DPP6: variants seen among roughly 807,000 people sequenced by gnomAD.
DPP6 encodes A-type potassium channel modulatory protein DPP6.
A neutral mutation model predicts 122.6 loss-of-function variants in DPP6; 69 were observed. The ratio of observed to expected loss-of-function variants is 0.56; its 90% CI spans 0.46 to 0.69. The LOEUF is 0.69. Among genes scored for constraint, DPP6 ranks in the 30% least tolerant of loss-of-function variants. The pLI, the probability that DPP6 is intolerant of heterozygous loss-of-function variation, is 0.00. For synonymous variants in DPP6, 418 were observed against 433.1 expected (o/e 0.97, Z 0.43); for missense variants, 928 against 1,116.9 (o/e 0.83, Z 2.41).
rs571550668 is a variant in DPP6, at chr7:154,186,095, C to T, written c.243+133032C>T. The stretch of plus-strand genomic sequence containing the variant: ...AAGTTGCTTAGTGCCCTGTATTACC[C>T]ATCAGTGAAGTGAGTGGTTCCTCCC... On this transcript the variant is annotated intron_variant, in intron 1 of 25. Coordinates refer to ENST00000377770, the MANE Select transcript of DPP6 (RefSeq NM_130797.4). 3.3e-5 allele frequency among the ~76,000 whole-genome samples: 5 copies of T among 152,342 alleles called. No individual in the cohort carries two copies. The South Asian group carries it at 8.3e-4, about 25-fold the overall frequency.
rs539283717 is a variant in DPP6 at position 154,123,668 on chromosome 7, G to A, written c.243+70605G>A. Among the ~76,000 whole-genome samples, 65 of 152,136 alleles carry A rather than the reference G, an allele frequency of 4.3e-4. No homozygotes were observed. The East Asian group carries it at 4.5e-3, about 10-fold the overall frequency. ...ACCAGGTGCAGGAGACAGATGTGCCGCCTGCTCACAGGGCTTACCTGGGAC... is the reference window on the plus strand; with the variant it reads ...ACCAGGTGCAGGAGACAGATGTGCCACCTGCTCACAGGGCTTACCTGGGAC... On this transcript the variant is annotated intron_variant, in intron 1 of 25. Coordinates refer to ENST00000377770, the MANE Select transcript of DPP6 (RefSeq NM_130797.4).
chr7:153,869,886 A>G, the DPP6 span, among the ~76,000 whole-genome samples: 2 of 152,106 alleles, frequency 1.3e-5, no homozygotes, highest in African/African-American at 2.4e-5. Flanking sequence ...TCTGTAAAGT[A>G]TTTTATTTCT....
At chr7:154,023,344 A>ACACT (rs1798805715) in intron 1 of DPP6, among the ~76,000 whole-genome samples, 1 of 151,770 alleles carries the variant, frequency 6.6e-6, no homozygotes, top group African/African-American at 2.4e-5. Context: ...ACACACACAC[A>ACACT]CACACACACA....
chr7:153,865,876 C>A, the DPP6 span, among the ~76,000 whole-genome samples: 1 of 148,420 alleles, frequency 6.7e-6, no homozygotes, highest in Non-Finnish European at 1.5e-5. Context: ...TTCTCCATTT[C>A]CCACCTATGA....
intron 16 of DPP6, among the ~76,000 whole-genome samples, chr7:154,849,602 T>A (rs1167053851): frequency 3.9e-5 from 6 of 152,242 alleles, no homozygotes; most frequent in Admixed American, 1.3e-4. Flanking sequence ...CAGAAGATCA[T>A]GTCATCAGCA....
chr7:154,889,428 C>T, intron 24 of DPP6, 29 bp from the exon 25 acceptor site: 1 of 1,575,944 alleles, frequency 6.3e-7, no homozygotes, highest in Non-Finnish European at 8.6e-7. Flanking sequence ...AAATGTCTTC[C>T]TCTCTTTTTT....
chr7:154,052,190 C>T (rs1390892162), upstream of DPP6, among the ~76,000 whole-genome samples: 1 of 151,770 alleles, frequency 6.6e-6, no homozygotes, highest in East Asian at 2.0e-4. This position sits in a 1 kb window ranked among gnomAD's most constrained non-coding sequence, Gnocchi z 4.8. Context: ...CCCGCACCCA[C>T]GACCCGCGTG....
chr7:154,570,523 A>G (rs1409535551), intron 5 of DPP6, among the ~76,000 whole-genome samples: 5 of 152,026 alleles, frequency 3.3e-5, no homozygotes, highest in Non-Finnish European at 5.9e-5. Flanking sequence ...TTCTCTCCGA[A>G]CCCCTTAGCG....
At chr7:154,368,918 G>A (rs543508044) in intron 1 of DPP6, among the ~76,000 whole-genome samples, 35 of 152,296 alleles carry the variant, frequency 2.3e-4, no homozygotes, top group African/African-American at 8.2e-4. Context: ...AAAGGGTTGA[G>A]CCTCGCAGGT....
chr7:153,808,236 TGCGTGTGTGC>T, the DPP6 span, among the ~76,000 whole-genome samples: 1 of 151,444 alleles, frequency 6.6e-6, no homozygotes, highest in Non-Finnish European at 1.5e-5. Context: ...TGCCTGAGTG[TGCGTGTGTGC>T]ACGTGCGTGC....
intron 1 of DPP6, among the ~76,000 whole-genome samples, chr7:153,964,485 A>G (rs1282470101): frequency 6.6e-6 from 1 of 152,092 alleles, no homozygotes; most frequent in African/African-American, 2.4e-5. Flanking sequence ...GGGCTCCGTG[A>G]AAATGTGTTC....
intron 7 of DPP6, among the ~76,000 whole-genome samples, chr7:154,726,640 T>TG (rs1842079547): frequency 6.6e-6 from 1 of 152,210 alleles, no homozygotes; most frequent in African/African-American, 2.4e-5. Context: ...TGAAATGCCT[T>TG]GGAGGCGTTT....
chr7:153,898,258 G>T (rs1456417522), intron 1 of DPP6, among the ~76,000 whole-genome samples: 2 of 152,150 alleles, frequency 1.3e-5, no homozygotes, highest in East Asian at 3.9e-4. Flanking sequence ...TTTAAGACCA[G>T]CCTGGGCCAC....
At chr7:154,804,823 C>T in intron 14 of DPP6, 94 bp from the exon 15 acceptor site, 4 of 1,526,688 alleles carry the variant, frequency 2.6e-6, no homozygotes, top group Non-Finnish European at 2.7e-6. Flanking sequence ...GGGCGGCAGT[C>T]CCTGAGGAGT....
intron 5 of DPP6, among the ~76,000 whole-genome samples, chr7:154,594,921 C>T (rs539213556): frequency 2.0e-5 from 3 of 152,274 alleles, no homozygotes; most frequent in South Asian, 2.1e-4. Context: ...TGACCTGGCT[C>T]CCAGACCCAG....
At chr7:154,825,572 C>T (rs1800088857) in intron 16 of DPP6, among the ~76,000 whole-genome samples, 1 of 152,206 alleles carries the variant, frequency 6.6e-6, no homozygotes, top group East Asian at 1.9e-4. Context: ...GAGAATGCTG[C>T]CACGACAGGG....
chr7:153,841,919 T>G, the DPP6 span, among the ~76,000 whole-genome samples: 1 of 151,838 alleles, frequency 6.6e-6, no homozygotes, highest in African/African-American at 2.4e-5. Flanking sequence ...ACAAAATAAC[T>G]GTGTCATTCT....
chr7:153,920,563 C>CCTTTTTT (rs1554407604), intron 1 of DPP6, among the ~76,000 whole-genome samples: 3 of 88,690 alleles, frequency 3.4e-5, no homozygotes, highest in African/African-American at 1.4e-4. Flanking sequence ...TTATCTCTCT[C>CCTTTTTT]TTTTTTTTTT....
At chr7:154,166,970 G>A (rs1357488265) in intron 1 of DPP6, among the ~76,000 whole-genome samples, 2 of 148,834 alleles carry the variant, frequency 1.3e-5, no homozygotes, top group Admixed American at 1.3e-4. Context: ...ACTCCAGCCT[G>A]GGTGACTGTC....
Sources: allele counts gnomAD v4.1 joint callset (sites outside exome capture counted in the v4.1 genomes callset), GRCh38; gene constraint gnomAD v4.1.1; non-coding constraint Gnocchi (gnomAD v3.1); transcripts MANE v1.5; gene names NCBI Gene and HGNC (gene_info 2026-07-23, HGNC 2026-07-21).